Variants in MCF2L observed in about 807,000 individuals in gnomAD.
The protein encoded by MCF2L is guanine nucleotide exchange factor DBS.
Under a neutral mutation model 153.4 loss-of-function variants are expected in MCF2L, and 97 were observed. The observed-to-expected ratio is 0.63, with a 90% confidence interval of 0.54 to 0.75. MCF2L has a LOEUF of 0.75. Among genes scored for constraint, MCF2L ranks in the 30% least tolerant of loss-of-function variants. The pLI is 0.00. For synonymous variants in MCF2L, 659 were observed against 632.2 expected (o/e 1.04, Z -0.64); for missense variants, 1,347 against 1,495.2 (o/e 0.90, Z 1.64).
chr13:113,092,609 A>G (rs1317868742), intron 26 of MCF2L, among the ~76,000 whole-genome samples: 2 of 152,228 alleles, frequency 1.3e-5, no homozygotes, highest in African/African-American at 4.8e-5. Context: ...CCAATGAGCA[A>G]AGGCCAATGG....
intron 2 of MCF2L, among the ~76,000 whole-genome samples, chr13:113,017,720 G>A (rs946421005): frequency 3.3e-5 from 5 of 151,826 alleles, no homozygotes; most frequent in Non-Finnish European, 5.9e-5. Context: ...AGACTCCCCC[G>A]CCCGCCACTC....
chr13:113,074,464 A>G lies in MCF2L; in HGVS notation c.1017A>G (p.Ala339=). The change falls in exon 10 of 30, where the codon GCA becomes GCG. Residue 339 remains alanine (A), a synonymous_variant. Coordinates refer to ENST00000535094, the MANE Select transcript of MCF2L (RefSeq NM_001112732.3). The surrounding 1 kb of genome is among the most constrained non-coding windows in gnomAD (Gnocchi z 4.2). The part of the protein sequence containing the change: ...GFREVKAILD[A]ASQKIATFTD... ...TCCAGGTCAAAGCCATCTTGGACGC[A>G]GCGTCCCAGAAGATAGCAACCTTCA... 1 of 1,613,900 alleles carries G rather than the reference A, an allele frequency of 6.2e-7. No individual in the cohort carries two copies. The highest frequency in any genetic ancestry group is 1.7e-5 in the Admixed American group (1 of 60,034).
In MCF2L at chr13:113,070,034, A is replaced by G; in HGVS notation, c.882-25A>G. The G allele has an allele frequency of 6.4e-7, 1 of 1,571,850 alleles. No homozygotes were observed. Among genetic ancestry groups the G allele is most frequent in the Non-Finnish European group, 8.7e-7 (1 of 1,147,192 alleles). Reference sequence around the variant, plus strand: ...GCATGGGGCGCCGTGGGCCACACAGACGGTCAACTCCTCCTCTTTCCCAGG... The same window carrying G: ...GCATGGGGCGCCGTGGGCCACACAGGCGGTCAACTCCTCCTCTTTCCCAGG... On this transcript the variant is annotated intron_variant, in intron 8 of 29. Coordinates refer to ENST00000535094, the MANE Select transcript of MCF2L (RefSeq NM_001112732.3). The surrounding 1 kb of genome is among the most constrained non-coding windows in gnomAD (Gnocchi z 5.6).
upstream of MCF2L, chr13:112,967,587 A>G (rs906037260): frequency 3.3e-5 from 5 of 152,388 alleles, no homozygotes; most frequent in South Asian, 2.1e-4. Context: ...TGTCTGGCCT[A>G]TAAGGCCTGT....
intron 1 of MCF2L, among the ~76,000 whole-genome samples, chr13:113,012,367 G>A (rs202171490): frequency 8.3e-5 from 9 of 108,758 alleles, no homozygotes; most frequent in Admixed American, 2.6e-4. Context: ...ACTGTGATGC[G>A]GACGGTGGAC....
rs375813814 is a variant in MCF2L, at chr13:113,088,557, C to G, written c.2768-5C>G. On this transcript the variant is annotated splice_polypyrimidine_tract_variant and splice_region_variant and intron_variant, in intron 24 of 29. Coordinates refer to ENST00000535094, the MANE Select transcript of MCF2L (RefSeq NM_001112732.3). ...TCACGTGGTTTGTCTGCTCCCTCCT[C>G]GCAGAAGCCAGCCAGCACCGGGCGC... 6.2e-7 allele frequency: 1 copy of G among 1,611,106 alleles called. No homozygotes were observed. The highest frequency in any genetic ancestry group is 1.7e-5 in the Admixed American group (1 of 59,886).
rs1427839305 is a variant in MCF2L, at chr13:113,031,776, G to A, written c.278+7018G>A. On this transcript the variant is annotated intron_variant, in intron 3 of 29. Transcript: ENST00000535094. This position sits in a 1 kb window ranked among gnomAD's most constrained non-coding sequence, Gnocchi z 5.5. ...TGGGAGGTAGGGACTCCATCTACCA[G>A]CCAGCTTGCCGGGACAGGGGTCACA... is the stretch of plus-strand genomic sequence containing the variant. 6.6e-6 allele frequency among the ~76,000 whole-genome samples: 1 copy of A among 152,066 alleles called. No homozygotes were observed. The highest frequency in any genetic ancestry group is 1.5e-5 in the Non-Finnish European group (1 of 68,014).
chr13:113,004,137 G>A (rs2083542286), intron 1 of MCF2L, among the ~76,000 whole-genome samples: 1 of 152,168 alleles, frequency 6.6e-6, no homozygotes, highest in Non-Finnish European at 1.5e-5. Context: ...CCTCCCCCCG[G>A]CCCAGCGAGT....
chr13:112,994,026 C>T (rs75726296), intron 1 of MCF2L, among the ~76,000 whole-genome samples: 4,210 of 152,210 alleles, frequency 0.028, 212 homozygotes, highest in African/African-American at 0.096. Flanking sequence ...GACAGGGTCC[C>T]AGCCGACCCT....
chr13:113,052,304 C>T (rs963933725), intron 4 of MCF2L, among the ~76,000 whole-genome samples: 1 of 152,158 alleles, frequency 6.6e-6, no homozygotes, highest in African/African-American at 2.4e-5. Context: ...GGAAGGAGCC[C>T]GGGGGTCCCT....
At chr13:113,061,093 A>C (rs1264230862) in intron 5 of MCF2L, among the ~76,000 whole-genome samples, 1 of 152,090 alleles carries the variant, frequency 6.6e-6, no homozygotes, top group Non-Finnish European at 1.5e-5. Flanking sequence ...CCCTGCCTGC[A>C]CCCCAGGGAT....
intron 1 of MCF2L, among the ~76,000 whole-genome samples, chr13:112,976,796 C>A (rs1465817015): frequency 6.6e-6 from 1 of 152,160 alleles, no homozygotes; most frequent in Admixed American, 6.5e-5. Flanking sequence ...CACACCAAAC[C>A]GGACACACAG....
intron 7 of MCF2L, among the ~76,000 whole-genome samples, chr13:113,065,606 C>A (rs1363353534): frequency 1.3e-5 from 2 of 152,262 alleles, no homozygotes; most frequent in Non-Finnish European, 2.9e-5. Context: ...GGAGCACGTG[C>A]TCCCTGCTCT....
intron 26 of MCF2L, among the ~76,000 whole-genome samples, chr13:113,091,912 C>T (rs1013792880): frequency 2.6e-5 from 4 of 152,228 alleles, no homozygotes; most frequent in African/African-American, 9.6e-5. Context: ...TTCCGCCCGC[C>T]TCCACAGCCT....
At chr13:112,914,036 C>G (rs899071828) in intron 2 of MCF2L, among the ~76,000 whole-genome samples, 9 of 152,210 alleles carry the variant, frequency 5.9e-5, no homozygotes, top group Non-Finnish European at 8.8e-5. Context: ...CCCTTCTCCC[C>G]CTGTGAGCCA....
chr13:113,044,680 C>G, intron 3 of MCF2L: 1 of 1,612,476 alleles, frequency 6.2e-7, no homozygotes, highest in South Asian at 1.1e-5. Context: ...CATCCGAGGA[C>G]GGAGGCTGTC....
At chr13:113,073,006 ATTTTC>A (rs1250138866) in intron 9 of MCF2L, among the ~76,000 whole-genome samples, 1 of 139,746 alleles carries the variant, frequency 7.2e-6, no homozygotes, top group Non-Finnish European at 1.6e-5. Context: ...GATGTATTGT[ATTTTC>A]TTTTTCATTT....
chr13:112,996,385 C>G (rs2083132069), intron 1 of MCF2L, among the ~76,000 whole-genome samples: 1 of 152,200 alleles, frequency 6.6e-6, no homozygotes, highest in Admixed American at 6.5e-5. Flanking sequence ...TGTTTCTGGT[C>G]CCTGCATCTA....
intron 26 of MCF2L, among the ~76,000 whole-genome samples, chr13:113,092,007 G>A (rs957050607): frequency 1.3e-5 from 2 of 152,186 alleles, no homozygotes; most frequent in Admixed American, 6.5e-5. Context: ...GAGCTGGCCC[G>A]GCGTTACTGA....
Sources: gnomAD v4.1 joint callset for allele counts (sites outside exome capture counted in the v4.1 genomes callset) on GRCh38, gnomAD v4.1.1 for gene constraint, Gnocchi (gnomAD v3.1) non-coding constraint, MANE v1.5 for transcripts, NCBI Gene and HGNC (gene_info 2026-07-23, HGNC 2026-07-21) for gene names.